TBC1D5: variants seen among roughly 807,000 people sequenced by gnomAD.
The protein encoded by TBC1D5 is TBC1 domain family member 5, also known as TBC1 domain family, member 5.
TBC1D5 carries 75 observed loss-of-function variants against 100.3 expected under a neutral mutation model. That is an observed-to-expected ratio of 0.75 (90% CI 0.62 to 0.91). The LOEUF (loss-of-function observed/expected upper bound fraction) is 0.91. Among genes scored for constraint, TBC1D5 ranks in the 40% least tolerant of loss-of-function variants. The pLI is 0.00. For synonymous variants in TBC1D5, 323 were observed against 325.6 expected (o/e 0.99, Z 0.09); for missense variants, 910 against 942.4 (o/e 0.97, Z 0.45).
chr3:17,340,300 T>C (rs1399800282), intron 13 of TBC1D5, among the ~76,000 whole-genome samples: 4 of 152,054 alleles, frequency 2.6e-5, no homozygotes, highest in Non-Finnish European at 5.9e-5. Context: ...GGAGAGACAA[T>C]AAAAAAGTGG....
intron 19 of TBC1D5, among the ~76,000 whole-genome samples, chr3:17,171,123 C>A (rs1211833974): frequency 6.6e-6 from 1 of 152,098 alleles, no homozygotes; most frequent in Non-Finnish European, 1.5e-5. Flanking sequence ...TCCATCTGTT[C>A]AAGAGTGGAA....
At chr3:17,559,625 T>C (rs989711343) in intron 2 of TBC1D5, among the ~76,000 whole-genome samples, 2 of 151,532 alleles carry the variant, frequency 1.3e-5, no homozygotes, top group Non-Finnish European at 2.9e-5. Context: ...AGTCTTGCAC[T>C]GTTGCCCTGG....
intron 1 of TBC1D5, among the ~76,000 whole-genome samples, chr3:17,691,167 T>G (rs1463697491): frequency 1.3e-5 from 2 of 152,158 alleles, no homozygotes; most frequent in African/African-American, 4.8e-5. Context: ...TATATAAAGT[T>G]GGTGCTCTCA....
exon 19 of TBC1D5, chr3:17,185,166 A>G (rs1181949923): frequency 1.3e-5 from 21 of 1,613,666 alleles, no homozygotes; most frequent in Non-Finnish European, 1.8e-5. Context: ...AGGTCATTCA[A>G]CTGCCCTTGA....
intron 19 of TBC1D5, among the ~76,000 whole-genome samples, chr3:17,169,770 T>C (rs1321748609): frequency 6.6e-6 from 1 of 152,222 alleles, no homozygotes; most frequent in Non-Finnish European, 1.5e-5. Context: ...ACCAGTTCTG[T>C]AGGTCTTTTA....
At chr3:17,167,390 C>G (rs1457554959) in intron 20 of TBC1D5, among the ~76,000 whole-genome samples, 4 of 152,142 alleles carry the variant, frequency 2.6e-5, no homozygotes, top group Non-Finnish European at 5.9e-5. Flanking sequence ...GGGTCTGAGG[C>G]CTGCTGTAGG....
chr3:17,184,890 T>G (rs2068837753), intron 19 of TBC1D5: 4 of 292,794 alleles, frequency 1.4e-5, no homozygotes, highest in South Asian at 2.2e-4. Flanking sequence ...TTACTAATGA[T>G]ATAATCTTGG....
intron 1 of TBC1D5, among the ~76,000 whole-genome samples, chr3:17,681,390 CAAATT>C (rs2069450159): frequency 6.6e-6 from 1 of 151,478 alleles, no homozygotes; most frequent in Non-Finnish European, 1.5e-5. Flanking sequence ...ACAAAAACTA[CAAATT>C]AAAATTGTGC....
chr3:17,696,288 C>CA (rs1419531926), intron 1 of TBC1D5, among the ~76,000 whole-genome samples: 5 of 151,706 alleles, frequency 3.3e-5, no homozygotes, highest in South Asian at 2.1e-4. Context: ...AAAATCCCTT[C>CA]AAAAAAATCA....
chr3:17,232,533 C>A (rs2075510671), intron 17 of TBC1D5, among the ~76,000 whole-genome samples: 1 of 152,088 alleles, frequency 6.6e-6, no homozygotes, highest in Admixed American at 6.6e-5. Context: ...TTATGTAGAT[C>A]ATTTAACAGA....
chr3:17,303,705 T>C (rs1029783140), intron 14 of TBC1D5, among the ~76,000 whole-genome samples: 2 of 152,290 alleles, frequency 1.3e-5, no homozygotes, highest in East Asian at 1.9e-4. Flanking sequence ...TCCCTAATCT[T>C]TTCCTGGCTG....
intron 1 of TBC1D5, among the ~76,000 whole-genome samples, chr3:17,734,066 T>C (rs1416745373): frequency 6.6e-6 from 1 of 152,168 alleles, no homozygotes; most frequent in Non-Finnish European, 1.5e-5. Flanking sequence ...GTATTCACAA[T>C]AATTTCTCCC....
chr3:17,697,237 G>T (rs1469841249), intron 1 of TBC1D5, among the ~76,000 whole-genome samples: 1 of 152,216 alleles, frequency 6.6e-6, no homozygotes, highest in Non-Finnish European at 1.5e-5. Flanking sequence ...TCAACATAGG[G>T]TTGGAAGTTC....
chr3:17,450,619 G>A (rs912341953), intron 3 of TBC1D5, among the ~76,000 whole-genome samples: 1 of 151,994 alleles, frequency 6.6e-6, no homozygotes, highest in Non-Finnish European at 1.5e-5. Context: ...TCGATCAAGT[G>A]GAAGAAAGGA....
chr3:17,180,931 A>AAG (rs1559362669), intron 19 of TBC1D5, among the ~76,000 whole-genome samples: 3 of 151,844 alleles, frequency 2.0e-5, no homozygotes, highest in African/African-American at 7.3e-5. Context: ...AAAAAAAAAA[A>AAG]AAAGAAAAGA....
intron 13 of TBC1D5, 105 bp downstream of exon 13, chr3:17,371,968 CAG>C (rs2092480987): frequency 9.3e-7 from 1 of 1,079,916 alleles, no homozygotes; most frequent in Non-Finnish European, 1.2e-6. Flanking sequence ...GCCCAGGGGG[CAG>C]AGTTTGCAGT....
At chr3:17,225,498 C>CA (rs1183601742) in intron 17 of TBC1D5, among the ~76,000 whole-genome samples, 2 of 146,122 alleles carry the variant, frequency 1.4e-5, no homozygotes, top group Non-Finnish European at 3.0e-5. Flanking sequence ...ACAAATAGTA[C>CA]AAATAAAAAT....
At chr3:17,165,117 G>A (rs2066459188) in intron 21 of TBC1D5, among the ~76,000 whole-genome samples, 1 of 152,130 alleles carries the variant, frequency 6.6e-6, no homozygotes, top group African/African-American at 2.4e-5. Context: ...CCAGAACAAG[G>A]GTGCAGTTTC....
chr3:17,467,879 G>A (rs542033532), intron 3 of TBC1D5, among the ~76,000 whole-genome samples: 83 of 152,120 alleles, frequency 5.5e-4, no homozygotes, highest in African/African-American at 1.9e-3. Flanking sequence ...TCTAGGAAAC[G>A]GGAGTTCCCT....
Sources: allele counts gnomAD v4.1 joint callset (sites outside exome capture counted in the v4.1 genomes callset), GRCh38; gene constraint gnomAD v4.1.1; transcripts MANE v1.5; gene names NCBI Gene and HGNC (gene_info 2026-07-23, HGNC 2026-07-21).